Variants in ABCC3 observed in about 807,000 individuals in gnomAD.
The protein encoded by ABCC3 is ATP-binding cassette sub-family C member 3.
Under a neutral mutation model 165.3 loss-of-function variants are expected in ABCC3, and 121 were observed. The ratio of observed to expected loss-of-function variants is 0.73; its 90% CI spans 0.63 to 0.85. ABCC3 has a LOEUF of 0.85. Ranked by LOEUF, ABCC3 falls within the 40% of genes least tolerant of loss-of-function variation. The pLI is 0.00. For synonymous variants in ABCC3, 733 were observed against 810.1 expected (o/e 0.90, Z 1.62); for missense variants, 1,869 against 1,964.1 (o/e 0.95, Z 0.92).
chr17:50,659,427 G>A (rs1355149470), intron 7 of ABCC3, 59 bp downstream of exon 7: 1 of 1,557,796 alleles, frequency 6.4e-7, no homozygotes, highest in Non-Finnish European at 8.7e-7. Flanking sequence ...ATCTCCTGCA[G>A]AGGACGCTGG....
At chr17:50,665,358 G>A in intron 11 of ABCC3, 113 bp downstream of exon 11, 1 of 855,426 alleles carries the variant, frequency 1.2e-6, no homozygotes, top group Non-Finnish European at 1.9e-6. Context: ...GAGTATGGAT[G>A]GCTACTAGCC....
chr17:50,643,774 A>G (rs1966934448), intron 1 of ABCC3: 1 of 378,920 alleles, frequency 2.6e-6, no homozygotes, highest in South Asian at 1.9e-5. Context: ...AGAATCTCAG[A>G]GCAGATTTAG....
Position 50,684,753 on chromosome 17 carries a change from C to T in ABCC3, c.4158C>T (p.Pro1386=), listed in dbSNP as rs1470555323. 6.2e-7 allele frequency: 1 copy of T among 1,614,184 alleles called. No homozygotes were observed. Among genetic ancestry groups the T allele is most frequent in the Non-Finnish European group, 8.5e-7 (1 of 1,180,022 alleles). ...FSGTLRMNLD[P]FGSYSEEDIW... is the part of the protein sequence containing the mutation. ...GGACCCTGCGCATGAACCTGGACCC[C>T]TTCGGCAGCTACTCAGAGGAGGACA... Residue 1386 remains proline (P), a synonymous_variant, in exon 29 of 31, where the codon CCC becomes CCT. Coordinates refer to ENST00000285238, the MANE Select transcript of ABCC3 (RefSeq NM_003786.4).
At chr17:50,670,192 C>T (rs749663081) in intron 17 of ABCC3, among the ~76,000 whole-genome samples, 9 of 152,046 alleles carry the variant, frequency 5.9e-5, no homozygotes, top group Non-Finnish European at 1.0e-4. Flanking sequence ...AAGCAATTCT[C>T]GTGTCTCAGC....
chr17:50,690,364 G>A (rs577446558), intron 30 of ABCC3, among the ~76,000 whole-genome samples: 12 of 152,260 alleles, frequency 7.9e-5, no homozygotes, highest in Middle Eastern at 3.4e-3. Context: ...CGGTGGCCAG[G>A]CAGTGATGTC....
At chr17:50,656,196 C>G (rs1243778311) in intron 2 of ABCC3, among the ~76,000 whole-genome samples, 188 bp downstream of exon 2, 2 of 152,182 alleles carry the variant, frequency 1.3e-5, no homozygotes, top group Admixed American at 1.3e-4. Flanking sequence ...AGCGATTCTC[C>G]TGCCTCAGCC....
chr17:50,672,922 T>A, intron 17 of ABCC3, 49 bp from the exon 18 acceptor site: 1 of 1,546,378 alleles, frequency 6.5e-7, no homozygotes, highest in Non-Finnish European at 8.8e-7. Context: ...GGCCGTTGTC[T>A]CCCTGTGCCT....
intron 23 of ABCC3, among the ~76,000 whole-genome samples, 190 bp downstream of exon 23, chr17:50,676,778 T>TAAAATAG (rs1201316635): frequency 1.3e-5 from 2 of 152,062 alleles, no homozygotes; most frequent in African/African-American, 4.8e-5. Context: ...GCCTCACCTG[T>TAAAATAG]AAAATAGAAT....
chr17:50,691,067 G>A, intron 30 of ABCC3, 25 bp from the exon 31 acceptor site: 3 of 1,587,228 alleles, frequency 1.9e-6, no homozygotes, highest in Non-Finnish European at 2.6e-6. Context: ...ATGGAAACCT[G>A]ACCACTTCTC....
chr17:50,668,632 C>G, intron 14 of ABCC3, 115 bp downstream of exon 14: 1 of 890,970 alleles, frequency 1.1e-6, no homozygotes. Context: ...CTGTTCACAT[C>G]TGCTTCGACT....
intron 23 of ABCC3, among the ~76,000 whole-genome samples, 167 bp downstream of exon 23, chr17:50,676,755 T>C (rs1183076662): frequency 6.6e-6 from 1 of 152,210 alleles, no homozygotes; most frequent in Non-Finnish European, 1.5e-5. Flanking sequence ...CTTAACCTCT[T>C]TGAAACTCAT....
intron 17 of ABCC3, 41 bp from the exon 18 acceptor site, chr17:50,672,930 C>A: frequency 3.1e-6 from 5 of 1,595,976 alleles, no homozygotes; most frequent in Non-Finnish European, 4.3e-6. Context: ...TCTCCCTGTG[C>A]CTGTCTGACC....
At chr17:50,680,458 A>G (rs1206912425) in intron 26 of ABCC3, among the ~76,000 whole-genome samples, 1 of 152,090 alleles carries the variant, frequency 6.6e-6, no homozygotes, top group Admixed American at 6.5e-5. Flanking sequence ...CTTCATGCCC[A>G]GAAGCTGCAG....
chr17:50,660,524 G>A (rs1190300747), intron 7 of ABCC3, among the ~76,000 whole-genome samples: 1 of 152,116 alleles, frequency 6.6e-6, no homozygotes, highest in Non-Finnish European at 1.5e-5. Context: ...CCCCCAGTCT[G>A]CCTGCTGCAC....
chr17:50,678,252 C>T, intron 25 of ABCC3, 33 bp downstream of exon 25: 1 of 1,511,902 alleles, frequency 6.6e-7, no homozygotes, highest in Non-Finnish European at 8.8e-7. Context: ...GGCAGGGCCA[C>T]CACTGGGACA....
chr17:50,646,627 CTG>C (rs895482489), intron 1 of ABCC3, among the ~76,000 whole-genome samples: 1 of 152,292 alleles, frequency 6.6e-6, no homozygotes, highest in South Asian at 2.1e-4. Flanking sequence ...AGCAAAGAGA[CTG>C]TGATGGCATG....
At chr17:50,649,560 G>A (rs1431003898) in intron 1 of ABCC3, among the ~76,000 whole-genome samples, 1 of 147,462 alleles carries the variant, frequency 6.8e-6, no homozygotes, top group African/African-American at 2.5e-5. Context: ...TTATACCTGG[G>A]TGACAGAGTG....
chr17:50,666,081 T>C (rs956244898), intron 11 of ABCC3, among the ~76,000 whole-genome samples: 5 of 152,162 alleles, frequency 3.3e-5, no homozygotes, highest in Admixed American at 6.5e-5. Context: ...AGGGTACCTC[T>C]AGGGGCCACC....
intron 29 of ABCC3, among the ~76,000 whole-genome samples, chr17:50,687,090 G>A (rs1236209256): frequency 6.6e-6 from 1 of 152,178 alleles, no homozygotes; most frequent in Non-Finnish European, 1.5e-5. Context: ...ATTCCCTATG[G>A]GGTGGGAGGT....
Sources: allele counts gnomAD v4.1 joint callset (sites outside exome capture counted in the v4.1 genomes callset), GRCh38; gene constraint gnomAD v4.1.1; transcripts MANE v1.5; gene names NCBI Gene and HGNC (gene_info 2026-07-23, HGNC 2026-07-21).